SDC2: variants seen among roughly 807,000 people sequenced by gnomAD.
The protein encoded by SDC2 is syndecan 2.
SDC2 carries 13 observed loss-of-function variants against 22.2 expected under a neutral mutation model. The ratio of observed to expected loss-of-function variants is 0.59; its 90% CI spans 0.38 to 0.93. The LOEUF (loss-of-function observed/expected upper bound fraction) is 0.93, where lower values mean the gene tolerates loss of function less well. Among genes scored for constraint, SDC2 ranks in the 40% least tolerant of loss-of-function variants. The pLI, the probability that SDC2 is intolerant of heterozygous loss-of-function variation, is 0.00. For synonymous variants in SDC2, 94 were observed against 92.8 expected (o/e 1.01, Z -0.07); for missense variants, 235 against 246.8 (o/e 0.95, Z 0.32).
At chr8:96,585,815 T>G (rs548801173) in intron 1 of SDC2, among the ~76,000 whole-genome samples, 10 of 151,574 alleles carry the variant, frequency 6.6e-5, no homozygotes, top group Non-Finnish European at 1.2e-4. Flanking sequence ...GAATCATGAC[T>G]ACAAGTTTAG....
chr8:96,516,437 G>A (rs911048064), intron 1 of SDC2, among the ~76,000 whole-genome samples: 16 of 151,768 alleles, frequency 1.1e-4, no homozygotes, highest in Admixed American at 2.0e-4. Context: ...GAAGTATAAT[G>A]TACCTGCCAC....
At chr8:96,533,600 C>T (rs2440680) in intron 1 of SDC2, among the ~76,000 whole-genome samples, 64,876 of 149,280 alleles carry the variant, frequency 0.43, 15,658 homozygotes, top group African/African-American at 0.67. Context: ...TTCACAGACT[C>T]TGAGCTAGAC....
At chr8:96,561,871 A>G (rs1213063944) in intron 1 of SDC2, among the ~76,000 whole-genome samples, 2 of 152,214 alleles carry the variant, frequency 1.3e-5, no homozygotes, top group East Asian at 1.9e-4. Context: ...ACCTTTGGAT[A>G]ACAGTCCTTT....
chr8:96,554,568 G>T (rs1814079233), intron 1 of SDC2, among the ~76,000 whole-genome samples: 1 of 151,958 alleles, frequency 6.6e-6, no homozygotes, highest in Non-Finnish European at 1.5e-5. Context: ...CTTTTATCTG[G>T]TTCATTTTTC....
chr8:96,520,458 A>T (rs992907061), intron 1 of SDC2, among the ~76,000 whole-genome samples: 4 of 152,160 alleles, frequency 2.6e-5, no homozygotes, highest in African/African-American at 9.7e-5. Context: ...GTAATAATTC[A>T]TTTACAGGGA....
rs142744930 is a variant in SDC2, at chr8:96,517,527, C to G, written c.60+23196C>G. On this transcript the variant is annotated intron_variant, in intron 1 of 4. Coordinates refer to ENST00000302190, the MANE Select transcript of SDC2 (RefSeq NM_002998.4). ...TTGCATATGTTGTGGGGTTGGGGTA[C>G]AGTTTATTTTCTTCTTTATGCATGT... Among the ~76,000 whole-genome samples the G allele has an allele frequency of 2.0e-5, 3 of 152,124 alleles. No individual in the cohort carries two copies. The East Asian group carries it at 5.8e-4, about 29-fold the overall frequency.
chr8:96,596,169 A>C (rs1586321777), intron 2 of SDC2, among the ~76,000 whole-genome samples: 1 of 152,348 alleles, frequency 6.6e-6, no homozygotes, highest in African/African-American at 2.4e-5. Flanking sequence ...TCACACTATT[A>C]GAAGGTAATA....
At chr8:96,602,339 TG>T in intron 2 of SDC2, 55 bp from the exon 3 acceptor site, 1 of 1,574,176 alleles carries the variant, frequency 6.4e-7, no homozygotes, top group South Asian at 1.1e-5. Flanking sequence ...TGCCTGATAA[TG>T]GAGACATCTG....
chr8:96,548,724 G>A (rs374456514), intron 1 of SDC2, among the ~76,000 whole-genome samples: 3 of 152,126 alleles, frequency 2.0e-5, no homozygotes, highest in African/African-American at 4.8e-5. Context: ...CACCAGAAAC[G>A]GGCCAATGAA....
intron 1 of SDC2, among the ~76,000 whole-genome samples, chr8:96,520,514 G>C (rs1475675361): frequency 6.6e-6 from 1 of 152,116 alleles, no homozygotes; most frequent in Non-Finnish European, 1.5e-5. Context: ...ACATTCCCAA[G>C]CTGTTTATAT....
intron 2 of SDC2, 76 bp from the exon 3 acceptor site, chr8:96,602,319 C>CA: frequency 6.9e-7 from 1 of 1,458,060 alleles, no homozygotes; most frequent in Non-Finnish European, 9.4e-7. Context: ...GTGTCAACGT[C>CA]AGGCAATAGT....
chr8:96,540,563 C>T (rs890687256), intron 1 of SDC2, among the ~76,000 whole-genome samples: 8 of 151,730 alleles, frequency 5.3e-5, no homozygotes, highest in African/African-American at 9.7e-5. Context: ...TCTGCTCACC[C>T]GCCCATCTTT....
intron 1 of SDC2, among the ~76,000 whole-genome samples, chr8:96,501,295 CTTTTTTT>C (rs35998270): frequency 7.3e-4 from 40 of 55,152 alleles, no homozygotes; most frequent in Middle Eastern, 0.015. Context: ...ATACGTATTT[CTTTTTTT>C]TTTTTTTTTT....
At chr8:96,539,725 C>T (rs952837090) in intron 1 of SDC2, among the ~76,000 whole-genome samples, 12 of 152,206 alleles carry the variant, frequency 7.9e-5, no homozygotes, top group East Asian at 1.9e-4. Flanking sequence ...CTTAACAAGG[C>T]AGTCTACTCC....
intron 1 of SDC2, among the ~76,000 whole-genome samples, chr8:96,498,276 G>A (rs770447144): frequency 6.6e-6 from 1 of 152,026 alleles, no homozygotes; most frequent in Admixed American, 6.6e-5. Context: ...TGATCTTTCC[G>A]TTCATTTTTT....
At chr8:96,531,003 G>A (rs911002951) in intron 1 of SDC2, among the ~76,000 whole-genome samples, 2 of 152,202 alleles carry the variant, frequency 1.3e-5, no homozygotes, top group African/African-American at 4.8e-5. Context: ...TTGGCTGGAG[G>A]TAGTGGATCT....
At chr8:96,545,130 T>C (rs1241621292) in intron 1 of SDC2, among the ~76,000 whole-genome samples, 2 of 152,224 alleles carry the variant, frequency 1.3e-5, no homozygotes, top group East Asian at 3.8e-4. Flanking sequence ...TTGCATTAGC[T>C]GAGAGAACAG....
At chr8:96,534,241 C>A (rs112951930) in intron 1 of SDC2, among the ~76,000 whole-genome samples, 2 of 152,158 alleles carry the variant, frequency 1.3e-5, no homozygotes, top group African/African-American at 4.8e-5. Context: ...CTCGGCTAGC[C>A]CAGAAGGGGG....
chr8:96,578,994 A>G (rs923965524), intron 1 of SDC2, among the ~76,000 whole-genome samples: 3 of 152,220 alleles, frequency 2.0e-5, no homozygotes, highest in African/African-American at 2.4e-5. Flanking sequence ...TGCCACAGGA[A>G]TTGTAGCTCA....
Sources: gnomAD v4.1 joint callset for allele counts (sites outside exome capture counted in the v4.1 genomes callset) on GRCh38, gnomAD v4.1.1 for gene constraint, MANE v1.5 for transcripts, NCBI Gene and HGNC (gene_info 2026-07-23, HGNC 2026-07-21) for gene names.